The following BTBD8 variants were observed in gnomAD, a reference collection of about 807,000 sequenced individuals.
BTBD8 encodes the protein BTB domain containing 8.
Under a neutral mutation model 162.9 loss-of-function variants are expected in BTBD8, and 110 were observed. The observed-to-expected ratio is 0.68, with a 90% CI of 0.58 to 0.79. The LOEUF is 0.79. BTBD8 is among the 30% of genes least tolerant of loss of function. The pLI is 0.00. For synonymous variants in BTBD8, 667 were observed against 716.1 expected (o/e 0.93, Z 1.10); for missense variants, 1,905 against 2,085.4 (o/e 0.91, Z 1.68).
In BTBD8 at chr1:92,080,373, TG is replaced by T; in HGVS notation, c.-196del. ...CCTGGGTCAAGAGCCGGCTCGGTTC[TG>T]GGATTCTGAGGCTCCCCACCGCGGT... On this transcript the variant is annotated 5_prime_UTR_variant, in exon 1 of 18. Transcript: ENST00000636805. The T allele has an allele frequency of 2.8e-6, 2 of 706,598 alleles. No homozygotes were observed. Among genetic ancestry groups the T allele is most frequent in the Non-Finnish European group, 4.5e-6 (2 of 448,754 alleles). The allele number at this position is 706,598 out of a possible 1,614,324, so 43.8% of individuals were successfully genotyped here.
At chr1:92,108,465 T>C (rs1259592189) in intron 4 of BTBD8, among the ~76,000 whole-genome samples, 3 of 152,250 alleles carry the variant, frequency 2.0e-5, no homozygotes, top group Admixed American at 2.0e-4. Context: ...GCATTTTGGC[T>C]CAGATTCCGT....
At position 92,182,220 on chromosome 1, in the gene BTBD8, A is replaced by G. The variant is rs371239831; in HGVS notation, c.4537A>G (p.Thr1513Ala). 16 of 1,550,514 alleles carry G rather than the reference A, an allele frequency of 1.0e-5. No homozygotes were observed. The South Asian group carries it at 1.1e-4, about 10-fold the overall frequency. The change falls in exon 17 of 18, where the codon ACT (threonine) becomes GCT (alanine). Residue 1513 changes from threonine to alanine, a missense_variant. Around this residue, in one of 3 missense-constraint regions of BTBD8, gnomAD observed 517 missense variants for 606.6 expected, o/e 0.85. Coordinates refer to ENST00000636805, the MANE Select transcript of BTBD8 (RefSeq NM_001376131.1). Reference sequence around the variant, plus strand: ...CAATAGTGTATGTAAAAATGAAAGCACTGTCTTGGATCTTAGTAGCATTGA... The same window carrying G: ...CAATAGTGTATGTAAAAATGAAAGCGCTGTCTTGGATCTTAGTAGCATTGA... The part of the protein sequence containing the change: ...KGNSVCKNES[T>A]VLDLSSIDSS...
chr1:92,154,372 A>T (rs1364859002), intron 9 of BTBD8, among the ~76,000 whole-genome samples: 1 of 152,206 alleles, frequency 6.6e-6, no homozygotes, highest in African/African-American at 2.4e-5. Flanking sequence ...TGTTCTACAT[A>T]GCAGCTGCAC....
chr1:92,107,762 C>A, intron 3 of BTBD8, 122 bp from the exon 4 acceptor site: 1 of 716,364 alleles, frequency 1.4e-6, no homozygotes, highest in Non-Finnish European at 2.2e-6. Flanking sequence ...TTTTAATTTA[C>A]CACTTACATA....
chr1:92,139,597 T>G (rs1345801160), intron 6 of BTBD8, 167 bp downstream of exon 6: 1 of 1,254,442 alleles, frequency 8.0e-7, no homozygotes, highest in African/African-American at 1.6e-5. Flanking sequence ...AATCATCTTA[T>G]TTAGAAGAAA....
At chr1:92,171,355 T>A in intron 12 of BTBD8, 44 bp from the exon 13 acceptor site, 1 of 1,398,772 alleles carries the variant, frequency 7.1e-7, no homozygotes, top group Non-Finnish European at 9.8e-7. Flanking sequence ...TCTAAGGTAA[T>A]AATAATGTTC....
intron 4 of BTBD8, among the ~76,000 whole-genome samples, chr1:92,128,639 T>C (rs973288738): frequency 6.6e-6 from 1 of 151,778 alleles, no homozygotes; most frequent in Non-Finnish European, 1.5e-5. Flanking sequence ...AGGCTGGTCT[T>C]GAACTCCCGA....
chr1:92,140,965 G>C, intron 6 of BTBD8, 150 bp from the exon 7 acceptor site: 1 of 835,084 alleles, frequency 1.2e-6, no homozygotes, highest in Non-Finnish European at 1.6e-6. Context: ...AATCCATAAA[G>C]GGTGTATGTT....
rs774259531 is a variant in BTBD8, at chr1:92,177,796, T to C, written c.2354-15T>C. 33 of 1,441,334 alleles carry C rather than the reference T, an allele frequency of 2.3e-5. 1 individual carries two copies. The South Asian group carries it at 2.7e-4, about 12-fold the overall frequency. 89.3% of individuals were successfully genotyped at this position (1,441,334 alleles called of 1,614,324 possible). A position where few individuals can be genotyped will look rare whatever the true frequency, so the allele number is the denominator to read the frequency against. On this transcript the variant is annotated splice_polypyrimidine_tract_variant and intron_variant, in intron 14 of 17. Coordinates refer to ENST00000636805, the MANE Select transcript of BTBD8 (RefSeq NM_001376131.1). Reference sequence around the variant, plus strand: ...ATGTATTCTCTCTTATGACTCACTTTTTCTTAATTTATAGCCATAAAATCT... The same window carrying C: ...ATGTATTCTCTCTTATGACTCACTTCTTCTTAATTTATAGCCATAAAATCT...
chr1:92,182,215 A>G lies in BTBD8; in HGVS notation c.4532A>G (p.Glu1511Gly), dbSNP rs772842333. Reference protein sequence around the residue: ...QNKGNSVCKNESTVLDLSSID... With the variant: ...QNKGNSVCKNGSTVLDLSSID... The stretch of plus-strand genomic sequence containing the variant: ...AAAGGCAATAGTGTATGTAAAAATG[A>G]AAGCACTGTCTTGGATCTTAGTAGC... The change falls in exon 17 of 18, where the codon GAA becomes GGA. Residue 1511 changes from glutamate (E) to glycine (G), a missense_variant. Coordinates refer to ENST00000636805, the MANE Select transcript of BTBD8 (RefSeq NM_001376131.1). 5.5e-5 allele frequency: 85 copies of G among 1,550,486 alleles called. No individual in the cohort carries two copies. The highest frequency in any genetic ancestry group is 1.8e-4 in the South Asian group (15 of 83,864).
chr1:92,106,476 TG>T (rs546618362), intron 3 of BTBD8, among the ~76,000 whole-genome samples: 233 of 151,482 alleles, frequency 1.5e-3, no homozygotes, highest in African/African-American at 5.4e-3. Flanking sequence ...CTGGCTAACA[TG>T]GTGAAACCCC....
chr1:92,167,239 A>C, intron 10 of BTBD8, 99 bp downstream of exon 10: 1 of 1,388,664 alleles, frequency 7.2e-7, no homozygotes, highest in Non-Finnish European at 9.7e-7. Flanking sequence ...TGATTAAATT[A>C]ATGTGATTTA....
chr1:92,121,859 C>CA (rs1377533495), intron 4 of BTBD8, among the ~76,000 whole-genome samples: 2 of 149,728 alleles, frequency 1.3e-5, no homozygotes, highest in Non-Finnish European at 3.0e-5. Flanking sequence ...TTTTTTGAGA[C>CA]AGAGTCTTGC....
Position 92,108,021 on chromosome 1 carries a change from T to C in BTBD8, c.662+20T>C. On this transcript the variant is annotated intron_variant, in intron 4 of 17. Coordinates refer to ENST00000636805, the MANE Select transcript of BTBD8 (RefSeq NM_001376131.1). The stretch of plus-strand genomic sequence containing the variant: ...TCACAGGTAAATAGACACGACTGAT[T>C]TGCTGTCTTGGTTGTGGCTGTAGAG... 1 of 1,590,974 alleles carries C rather than the reference T, an allele frequency of 6.3e-7. No individual in the cohort carries two copies. The highest frequency in any genetic ancestry group is 1.7e-5 in the Admixed American group (1 of 59,968).
At chr1:92,106,912 A>G (rs1053895411) in intron 3 of BTBD8, among the ~76,000 whole-genome samples, 2 of 151,902 alleles carry the variant, frequency 1.3e-5, no homozygotes, top group African/African-American at 4.8e-5. Context: ...CCCCGTCTAT[A>G]TAAAACATAA....
At chr1:92,105,026 G>A (rs1016407984) in intron 3 of BTBD8, among the ~76,000 whole-genome samples, 12 of 151,362 alleles carry the variant, frequency 7.9e-5, no homozygotes, top group African/African-American at 1.5e-4. Flanking sequence ...TCCGCCTCCC[G>A]GGTTCACGCC....
chr1:92,147,343 A>G (rs2100637942), intron 8 of BTBD8, 75 bp downstream of exon 8: 1 of 1,321,044 alleles, frequency 7.6e-7, no homozygotes, highest in Admixed American at 1.9e-5. Flanking sequence ...TTTGTGGGGA[A>G]CTTTAGAGTT....
At chr1:92,155,768 G>A (rs968623215) in intron 9 of BTBD8, among the ~76,000 whole-genome samples, 1 of 152,178 alleles carries the variant, frequency 6.6e-6, no homozygotes, top group African/African-American at 2.4e-5. Context: ...AAATGCAACT[G>A]ATTATTGTAT....
chr1:92,184,344 G>T lies in BTBD8; in HGVS notation c.*14G>T, dbSNP rs1319113789. 1 of 1,497,836 alleles carries T rather than the reference G, an allele frequency of 6.7e-7. No homozygotes were observed. The highest frequency in any genetic ancestry group is 1.7e-4 in the Middle Eastern group (1 of 5,762). The allele number at this position is 1,497,836 out of a possible 1,614,324, so 92.8% of individuals were successfully genotyped here. The stretch of plus-strand genomic sequence containing the variant: ...ACTCAGCATTAAGTGTTAACATTTT[G>T]GAAAAATTTATGCCACTCCTTTATT... On this transcript the variant is annotated 3_prime_UTR_variant, in exon 18 of 18. Transcript: ENST00000636805.
Sources: gnomAD v4.1 joint callset for allele counts (sites outside exome capture counted in the v4.1 genomes callset) on GRCh38, gnomAD v4.1.1 for gene constraint, gnomAD v4.1.1 regional missense constraint, MANE v1.5 for transcripts, NCBI Gene and HGNC (gene_info 2026-07-23, HGNC 2026-07-21) for gene names.